Variants in UVRAG observed in about 807,000 individuals in gnomAD.
UVRAG encodes UV radiation resistance-associated gene protein.
Under a neutral mutation model 78.0 loss-of-function variants are expected in UVRAG, and 19 were observed. The ratio of observed to expected loss-of-function variants is 0.24; its 90% CI spans 0.17 to 0.36. The LOEUF is 0.36. UVRAG is among the 10% of genes least tolerant of loss of function. The pLI is 1.00. For synonymous variants in UVRAG, 323 were observed against 324.6 expected, an observed-to-expected ratio of 1.00 and a Z score of 0.05; for missense variants, 740 against 853.8, an observed-to-expected ratio of 0.87 and a Z score of 1.66.
intron 6 of UVRAG, among the ~76,000 whole-genome samples, chr11:75,952,818 A>G (rs926036050): frequency 6.6e-6 from 1 of 152,012 alleles, no homozygotes; most frequent in Non-Finnish European, 1.5e-5. Context: ...AACTGAAAGC[A>G]TCCCTTCTTC....
At chr11:75,817,906 A>G (rs1397444692) in intron 1 of UVRAG, among the ~76,000 whole-genome samples, 1 of 151,708 alleles carries the variant, frequency 6.6e-6, no homozygotes, top group Non-Finnish European at 1.5e-5. Context: ...AAGAAAAAAA[A>G]AAAAAAAGCC....
chr11:75,949,048 T>C (rs897151801), intron 6 of UVRAG, among the ~76,000 whole-genome samples: 2 of 152,242 alleles, frequency 1.3e-5, no homozygotes, highest in Middle Eastern at 3.4e-3. Context: ...GAATAAGAGT[T>C]GAAGCTAAGA....
rs530633393 is a variant in UVRAG at position 75,951,625 on chromosome 11, G to A, written c.594-9819G>A. Among the ~76,000 whole-genome samples the A allele has an allele frequency of 6.8e-4, 103 of 152,138 alleles. 1 individual carries two copies. Among genetic ancestry groups the A allele is most frequent in the Middle Eastern group, 6.8e-3 (2 of 294 alleles). ...TCGAACTCCCAGCCTCAGGTGATCT[G>A]CCCACCTCGGCCTCTCAAAGTTCTG... On this transcript the variant is annotated intron_variant, in intron 6 of 14. Coordinates refer to ENST00000356136, the MANE Select transcript of UVRAG (RefSeq NM_003369.4).
At chr11:76,093,166 G>T (rs574270289) in intron 13 of UVRAG, among the ~76,000 whole-genome samples, 38 of 152,232 alleles carry the variant, frequency 2.5e-4, no homozygotes, top group African/African-American at 8.9e-4. Context: ...TATTATTTCT[G>T]AGGGCTCTGT....
intron 12 of UVRAG, among the ~76,000 whole-genome samples, chr11:76,063,762 T>TG: frequency 6.6e-6 from 1 of 152,340 alleles, no homozygotes; most frequent in East Asian, 1.9e-4. Flanking sequence ...TGTACTTTAA[T>TG]GACCACATTC....
chr11:76,040,117 T>C (rs1008363484), intron 12 of UVRAG, among the ~76,000 whole-genome samples: 7 of 152,124 alleles, frequency 4.6e-5, no homozygotes, highest in Non-Finnish European at 7.4e-5. Flanking sequence ...AATCTTTTTT[T>C]CCCTGGGCAT....
At chr11:75,917,202 G>A (rs73493917) in intron 6 of UVRAG, among the ~76,000 whole-genome samples, 4,388 of 152,278 alleles carry the variant, frequency 0.029, 224 homozygotes, top group African/African-American at 0.1. Flanking sequence ...GAGGCTAGAA[G>A]CAAGATGGAG....
At chr11:76,030,205 T>C (rs1950409041) in intron 12 of UVRAG, among the ~76,000 whole-genome samples, 2 of 152,142 alleles carry the variant, frequency 1.3e-5, no homozygotes, top group African/African-American at 4.8e-5. Context: ...TTTATTTTTA[T>C]TTTTATTTGT....
intron 9 of UVRAG, among the ~76,000 whole-genome samples, chr11:76,005,065 C>T (rs980189582): frequency 1.5e-4 from 23 of 151,998 alleles, no homozygotes; most frequent in African/African-American, 5.1e-4. Flanking sequence ...CTAGACTGGC[C>T]GGGCATGGTG....
chr11:76,111,507 C>T (rs1952065968), intron 13 of UVRAG, among the ~76,000 whole-genome samples: 1 of 152,172 alleles, frequency 6.6e-6, no homozygotes, highest in Admixed American at 6.5e-5. Context: ...CCAAGAAGCT[C>T]TGAACGTAAA....
At chr11:76,037,797 G>A (rs1464702590) in intron 12 of UVRAG, among the ~76,000 whole-genome samples, 1 of 152,096 alleles carries the variant, frequency 6.6e-6, no homozygotes, top group Non-Finnish European at 1.5e-5. Context: ...AGTGTAAATG[G>A]TAGGCAGAAT....
chr11:75,845,724 G>T (rs1286008954), intron 1 of UVRAG, among the ~76,000 whole-genome samples: 2 of 152,162 alleles, frequency 1.3e-5, no homozygotes, highest in African/African-American at 4.8e-5. Flanking sequence ...TGGGAAGAGG[G>T]TGAGGATTTA....
chr11:75,996,836 A>G (rs1319814001), intron 8 of UVRAG, among the ~76,000 whole-genome samples: 1 of 152,144 alleles, frequency 6.6e-6, no homozygotes, highest in African/African-American at 2.4e-5. Context: ...AATACAGTTC[A>G]CTGCCTTCCA....
chr11:75,988,728 T>C (rs990485223), intron 8 of UVRAG, among the ~76,000 whole-genome samples: 1 of 152,240 alleles, frequency 6.6e-6, no homozygotes, highest in Admixed American at 6.5e-5. Context: ...TTAGTCCACA[T>C]CTAAACATTA....
chr11:76,049,713 G>C (rs1235299946), intron 12 of UVRAG, among the ~76,000 whole-genome samples: 3 of 152,182 alleles, frequency 2.0e-5, no homozygotes, highest in Admixed American at 2.0e-4. Context: ...ATGTGTTCCA[G>C]ATGCAGGGCT....
In UVRAG at chr11:75,815,352, C is replaced by A; in HGVS notation, c.-56C>A. ...GGCTTGGTAGGTGGTGGCAAGGGGG[C>A]GGCGGCGGATGCCGGAAGAGTGCCC... On this transcript the variant is annotated 5_prime_UTR_variant, in exon 1 of 15. Transcript: ENST00000356136. The A allele has an allele frequency of 3.1e-6, 3 of 959,032 alleles. No homozygotes were observed. The highest frequency in any genetic ancestry group is 4.1e-6 in the Non-Finnish European group (3 of 734,796). The allele number at this position is 959,032 out of a possible 1,614,324, so 59.4% of individuals were successfully genotyped here. A position where few individuals can be genotyped will look rare whatever the true frequency, so the allele number is the denominator to read the frequency against.
intron 4 of UVRAG, among the ~76,000 whole-genome samples, chr11:75,882,143 T>G (rs1565361486): frequency 6.6e-6 from 1 of 152,216 alleles, no homozygotes; most frequent in Admixed American, 6.5e-5. Flanking sequence ...TCTTCATATT[T>G]ATTCAATATA....
intron 2 of UVRAG, among the ~76,000 whole-genome samples, chr11:75,859,456 T>G (rs1249832837): frequency 6.6e-6 from 1 of 152,018 alleles, no homozygotes; most frequent in Non-Finnish European, 1.5e-5. Context: ...TTAATAAAAT[T>G]TTATTAATTT....
intron 13 of UVRAG, among the ~76,000 whole-genome samples, chr11:76,101,259 A>AT (rs1162089342): frequency 3.3e-5 from 5 of 150,760 alleles, no homozygotes; most frequent in South Asian, 2.1e-4. Context: ...GCCAGCATCT[A>AT]TTTTTTTTTA....
Sources: gnomAD v4.1 joint callset for allele counts (sites outside exome capture counted in the v4.1 genomes callset) on GRCh38, gnomAD v4.1.1 for gene constraint, MANE v1.5 for transcripts, NCBI Gene and HGNC (gene_info 2026-07-23, HGNC 2026-07-21) for gene names.